The following WDFY3 variants were observed in gnomAD, a reference collection of about 807,000 sequenced individuals.
The protein encoded by WDFY3 is WD repeat and FYVE domain containing 3, also known as WD repeat and FYVE domain-containing protein 3.
Under a neutral mutation model 409.6 loss-of-function variants are expected in WDFY3, and 66 were observed. The observed-to-expected ratio is 0.16, with a 90% CI of 0.13 to 0.20. The LOEUF (loss-of-function observed/expected upper bound fraction) is 0.20, where lower values mean the gene tolerates loss of function less well. Among genes scored for constraint, WDFY3 ranks in the 10% least tolerant of loss-of-function variants. The pLI is 1.00. For missense variants in WDFY3, 3,031 were observed against 4,298.1 expected (o/e 0.71, Z 8.24); for synonymous variants, 1,521 against 1,537.1 (o/e 0.99, Z 0.25).
At chr4:84,885,645 T>C (rs1377963111) in intron 3 of WDFY3, among the ~76,000 whole-genome samples, 1 of 152,202 alleles carries the variant, frequency 6.6e-6, no homozygotes, top group South Asian at 2.1e-4. Context: ...TGGAAGGCCA[T>C]TAAACACAGA....
chr4:84,961,144 G>A lies in WDFY3; in HGVS notation c.-226+5065C>T, dbSNP rs539354740. ...GCAGGAGAATCGCTTGAACCCGAGA[G>A]GTGGAGGCTGCAGTGAGCTGAGATC... is the stretch of plus-strand genomic sequence containing the variant. On this transcript the variant is annotated intron_variant, in intron 1 of 67. Coordinates refer to ENST00000295888, the MANE Select transcript of WDFY3 (RefSeq NM_014991.6). 1.3e-4 allele frequency among the ~76,000 whole-genome samples: 20 copies of A among 151,874 alleles called. No individual in the cohort carries two copies. In the South Asian group the frequency reaches 4.2e-3, roughly 32 times the overall value.
intron 2 of WDFY3, among the ~76,000 whole-genome samples, chr4:84,927,642 T>C (rs1467896512): frequency 3.3e-5 from 5 of 152,080 alleles, no homozygotes; most frequent in African/African-American, 7.2e-5. Flanking sequence ...CCCCATGCTG[T>C]TGTTGTGATA....
In WDFY3 at chr4:84,885,330, ATGTGTGTGTGTG is replaced by A. The variant is rs70943380; in HGVS notation, c.-32+11569_-32+11580del. Among the ~76,000 whole-genome samples, 540 of 145,646 alleles carry A rather than the reference ATGTGTGTGTGTG, an allele frequency of 3.7e-3. 3 individuals are homozygous for A. The highest frequency in any genetic ancestry group is 0.012 in the African/African-American group (486 of 39,596). On this transcript the variant is annotated intron_variant, in intron 3 of 67. Transcript: ENST00000295888. The stretch of plus-strand genomic sequence containing the variant: ...AATATATACATACATACATATACAT[ATGTGTGTGTGTG>A]TGTGTGTGTGTGTGTGTGTGTGTGT...
chr4:84,747,116 G>A lies in WDFY3; in HGVS notation c.5974-3317C>T, dbSNP rs554839669. ...CGGTGATCTGCTCTGGACTCTGGTG[G>A]TCAGATCTGTTTTCCTGGTGAAAAC... On this transcript the variant is annotated intron_variant, in intron 36 of 67. Coordinates refer to ENST00000295888, the MANE Select transcript of WDFY3 (RefSeq NM_014991.6). 2.6e-5 allele frequency among the ~76,000 whole-genome samples: 4 copies of A among 152,240 alleles called. No individual in the cohort carries two copies. The East Asian group carries it at 7.8e-4, about 30-fold the overall frequency.
intron 8 of WDFY3, among the ~76,000 whole-genome samples, chr4:84,830,861 TA>T (rs1389650891): frequency 3.3e-5 from 5 of 152,314 alleles, no homozygotes; most frequent in African/African-American, 1.2e-4. Flanking sequence ...TGATTGAATT[TA>T]CACAACAATG....
intron 5 of WDFY3, among the ~76,000 whole-genome samples, chr4:84,848,182 T>C (rs2093569572): frequency 1.3e-5 from 2 of 149,826 alleles, no homozygotes; most frequent in Admixed American, 6.6e-5. Context: ...TGTATAAAAA[T>C]AGGTCTACCA....
intron 27 of WDFY3, among the ~76,000 whole-genome samples, chr4:84,778,159 C>T (rs902574380): frequency 6.6e-6 from 1 of 152,074 alleles, no homozygotes; most frequent in South Asian, 2.1e-4. Context: ...GCAGCTGTAA[C>T]CAAAATTAGA....
intron 46 of WDFY3, 69 bp from the exon 47 acceptor site, chr4:84,721,641 T>C (rs553791374): frequency 6.8e-5 from 105 of 1,555,228 alleles, no homozygotes; most frequent in South Asian, 1.7e-4. Flanking sequence ...TTTAGTCTCA[T>C]GTAGTTCCTT....
At chr4:84,750,227 G>T (rs959098514) in intron 36 of WDFY3, among the ~76,000 whole-genome samples, 53 of 152,230 alleles carry the variant, frequency 3.5e-4, no homozygotes, top group African/African-American at 1.3e-3. Flanking sequence ...TTCCAAAGGG[G>T]AGACGTTCCA....
rs1738623059 is a variant in WDFY3, at chr4:84,742,523, AC to A, written c.6074-603del. ...CTAATCCTCCTAGCTCCTCCTCCTA[AC>A]CAGAATGCTTCCTCTAAGCCAGGGG... On this transcript the variant is annotated intron_variant, in intron 37 of 67. Transcript: ENST00000295888. 2.6e-5 allele frequency among the ~76,000 whole-genome samples: 4 copies of A among 152,096 alleles called. No individual in the cohort carries two copies. The South Asian group carries it at 8.3e-4, about 32-fold the overall frequency.
chr4:84,966,266 C>G lies in WDFY3; in HGVS notation c.-283G>C, dbSNP rs1025096643. On this transcript the variant is annotated 5_prime_UTR_variant, in exon 1 of 68. Coordinates refer to ENST00000295888, the MANE Select transcript of WDFY3 (RefSeq NM_014991.6). ...GCCCAGGAGACGGGACCGCGGCGGG[C>G]CGGGGCTCCGCGCCGAGGGCGCACG... 2.0e-5 allele frequency: 3 copies of G among 150,186 alleles called. No individual in the cohort carries two copies. The highest frequency in any genetic ancestry group is 6.6e-5 in the Admixed American group (1 of 15,072). 9.3% of individuals were successfully genotyped at this position (150,186 alleles called of 1,614,324 possible).
intron 19 of WDFY3, among the ~76,000 whole-genome samples, chr4:84,796,058 C>A (rs1172049862): frequency 6.6e-6 from 1 of 151,500 alleles, no homozygotes; most frequent in Non-Finnish European, 1.5e-5. Flanking sequence ...ATTATCTATA[C>A]ATTTATATTT....
chr4:84,844,965 T>C (rs1757883326), intron 5 of WDFY3, among the ~76,000 whole-genome samples: 1 of 152,208 alleles, frequency 6.6e-6, no homozygotes, highest in African/African-American at 2.4e-5. Flanking sequence ...CCTAAACGTA[T>C]AACAAATCAT....
At chr4:84,730,187 T>TA (rs1736353602) in intron 44 of WDFY3, among the ~76,000 whole-genome samples, 1 of 152,140 alleles carries the variant, frequency 6.6e-6, no homozygotes, top group Non-Finnish European at 1.5e-5. Flanking sequence ...CTCTTTTTCT[T>TA]AGAGAGCCCT....
chr4:84,884,106 A>G (rs773809585), intron 3 of WDFY3, among the ~76,000 whole-genome samples: 1 of 152,162 alleles, frequency 6.6e-6, no homozygotes, highest in African/African-American at 2.4e-5. Flanking sequence ...AAATTACACA[A>G]AACAAAGTCA....
intron 2 of WDFY3, among the ~76,000 whole-genome samples, chr4:84,898,065 C>T (rs1010018945): frequency 6.6e-6 from 1 of 152,158 alleles, no homozygotes; most frequent in Non-Finnish European, 1.5e-5. Flanking sequence ...CTGGCAGCCA[C>T]TACCTACATG....
intron 21 of WDFY3, among the ~76,000 whole-genome samples, chr4:84,791,007 G>C (rs914532098): frequency 3.3e-5 from 5 of 152,120 alleles, no homozygotes; most frequent in African/African-American, 1.2e-4. Flanking sequence ...CGCACTGTTG[G>C]TGGGAATGTA....
At chr4:84,692,456 A>G (rs1336637455) in intron 59 of WDFY3, among the ~76,000 whole-genome samples, 1 of 152,124 alleles carries the variant, frequency 6.6e-6, no homozygotes, top group East Asian at 1.9e-4. Flanking sequence ...TAGATATCCC[A>G]TTATACCATT....
Position 84,966,482 on chromosome 4 carries a change from C to A in WDFY3, c.-499G>T. On this transcript the variant is annotated 5_prime_UTR_variant, in exon 1 of 68. Transcript: ENST00000295888. ...GCCTTTCCCTTCTCCTGCCCCCGTCCCTGCTCCGCCGCGTCCTCGTCCTCG... is the reference window on the plus strand; with the variant it reads ...GCCTTTCCCTTCTCCTGCCCCCGTCACTGCTCCGCCGCGTCCTCGTCCTCG... 1 of 158,246 alleles carries A rather than the reference C, an allele frequency of 6.3e-6. No homozygotes were observed. The highest frequency in any genetic ancestry group is 1.4e-5 in the Non-Finnish European group (1 of 71,308). The allele number at this position is 158,246 out of a possible 1,614,324, so 9.8% of individuals were successfully genotyped here. A position where few individuals can be genotyped will look rare whatever the true frequency, so the allele number is the denominator to read the frequency against.
Sources: gnomAD v4.1 joint callset for allele counts (sites outside exome capture counted in the v4.1 genomes callset) on GRCh38, gnomAD v4.1.1 for gene constraint, MANE v1.5 for transcripts, NCBI Gene and HGNC (gene_info 2026-07-23, HGNC 2026-07-21) for gene names.